ST3GAL3: variants seen among roughly 807,000 people sequenced by gnomAD.
ST3GAL3 encodes ST3 beta-galactoside alpha-2,3-sialyltransferase 3, also known as CMP-N-acetylneuraminate-beta-1,4-galactoside alpha-2,3-sialyltransferase.
In ST3GAL3, 21 loss-of-function variants were observed where a neutral mutation model predicts 50.1. That is an observed-to-expected ratio of 0.42 (90% CI 0.30 to 0.60). The LOEUF is 0.60. Among genes scored for constraint, ST3GAL3 ranks in the 20% least tolerant of loss-of-function variants. The pLI is 0.19. For missense variants in ST3GAL3, 353 were observed against 489.4 expected (o/e 0.72, Z 2.63); for synonymous variants, 183 against 190.0 (o/e 0.96, Z 0.30).
At chr1:43,850,206 C>A (rs1478116708) in intron 5 of ST3GAL3, 2 of 289,516 alleles carry the variant, frequency 6.9e-6, no homozygotes, top group African/African-American at 2.2e-5. Context: ...TCAGTGGGTC[C>A]CTTGTGGGGC....
At chr1:43,849,441 G>C (rs2040950) in intron 5 of ST3GAL3, among the ~76,000 whole-genome samples, 85,149 of 152,068 alleles carry the variant, frequency 0.56, 27,764 homozygotes, top group Non-Finnish European at 0.74. Context: ...AAATTAGTTT[G>C]AGTTCAAATA....
At chr1:43,708,640 T>A (rs1662833003) in intron 1 of ST3GAL3, among the ~76,000 whole-genome samples, 1 of 152,222 alleles carries the variant, frequency 6.6e-6, no homozygotes, top group African/African-American at 2.4e-5. Flanking sequence ...GGCACAGAAA[T>A]TTATAGCCAA....
chr1:43,848,792 T>G (rs1574187157), intron 5 of ST3GAL3, among the ~76,000 whole-genome samples: 2 of 152,356 alleles, frequency 1.3e-5, no homozygotes, highest in Non-Finnish European at 2.9e-5. Flanking sequence ...GGATGCTATA[T>G]TATTTGTCCC....
At chr1:43,778,328 T>C (rs1192654437) in intron 2 of ST3GAL3, among the ~76,000 whole-genome samples, 1 of 152,160 alleles carries the variant, frequency 6.6e-6, no homozygotes, top group Non-Finnish European at 1.5e-5. Context: ...GCTTAATACC[T>C]AGGTGATGGG....
At chr1:43,719,490 C>T (rs959985991) in intron 1 of ST3GAL3, among the ~76,000 whole-genome samples, 11 of 151,932 alleles carry the variant, frequency 7.2e-5, no homozygotes, top group Non-Finnish European at 1.5e-4. Flanking sequence ...GTTGAAACCT[C>T]GTCTCTGCTA....
chr1:43,712,655 G>A (rs972666221), intron 1 of ST3GAL3, among the ~76,000 whole-genome samples: 1 of 152,004 alleles, frequency 6.6e-6, no homozygotes, highest in African/African-American at 2.4e-5. Flanking sequence ...GGGAATATGA[G>A]TACTGGTTTT....
intron 2 of ST3GAL3, among the ~76,000 whole-genome samples, chr1:43,767,339 GTC>G (rs973896114): frequency 6.6e-6 from 1 of 152,144 alleles, no homozygotes; most frequent in Non-Finnish European, 1.5e-5. Flanking sequence ...GGCATATAGA[GTC>G]TCTGGGGGAT....
At chr1:43,906,289 T>C (rs1245159821) in intron 9 of ST3GAL3, among the ~76,000 whole-genome samples, 47 of 85,098 alleles carry the variant, frequency 5.5e-4, no homozygotes, top group Non-Finnish European at 5.6e-4. Flanking sequence ...TCCTGCCACT[T>C]TTCCTCCCCC....
intron 11 of ST3GAL3, among the ~76,000 whole-genome samples, chr1:43,923,561 C>A (rs779273135): frequency 6.6e-6 from 1 of 152,182 alleles, no homozygotes; most frequent in Admixed American, 6.5e-5. Context: ...GGTTCATAGA[C>A]AGCTGTCTTC....
chr1:43,856,544 G>T (rs1460182509), intron 5 of ST3GAL3, among the ~76,000 whole-genome samples: 2 of 152,152 alleles, frequency 1.3e-5, no homozygotes, highest in African/African-American at 4.8e-5. Flanking sequence ...AAATCCTTGG[G>T]TACAGACCTT....
At chr1:43,917,391 A>C (rs1440426018) in intron 9 of ST3GAL3, among the ~76,000 whole-genome samples, 1 of 133,058 alleles carries the variant, frequency 7.5e-6, no homozygotes, top group Non-Finnish European at 1.5e-5. Flanking sequence ...ACTATTTGTG[A>C]CAAAATTTTT....
chr1:43,731,889 G>A (rs1020557473), intron 1 of ST3GAL3, among the ~76,000 whole-genome samples: 3 of 151,582 alleles, frequency 2.0e-5, no homozygotes, highest in African/African-American at 7.3e-5. Context: ...TGTTGCCCAG[G>A]TTGGTTTAGA....
intron 1 of ST3GAL3, among the ~76,000 whole-genome samples, chr1:43,730,521 AAGTTTC>A (rs1675158724): frequency 7.2e-6 from 1 of 138,708 alleles, no homozygotes; most frequent in Non-Finnish European, 1.6e-5. Flanking sequence ...TTAGAAATAC[AAGTTTC>A]TGATTTCTTT....
Position 43,920,908 on chromosome 1 carries a change from C to G in ST3GAL3, c.1018C>G (p.Arg340Gly). Residue 340 changes from arginine (R) to glycine (G), a missense_variant, in exon 11 of 12, where the codon CGC becomes GGC. By Grantham distance (125) the Arg-to-Gly change is moderately radical. Transcript: ENST00000347631. Reference sequence around the variant, plus strand: ...ACCCCTGCACTACTATGAGACCGTTCGCATGGCAGCCATCAAAGAGGTTCG... The same window carrying G: ...ACCCCTGCACTACTATGAGACCGTTGGCATGGCAGCCATCAAAGAGGTTCG... ...NAPLHYYETV[R>G]MAAIKESWTH... 6.2e-7 allele frequency: 1 copy of G among 1,613,440 alleles called. No individual in the cohort carries two copies. Among genetic ancestry groups the G allele is most frequent in the Non-Finnish European group, 8.5e-7 (1 of 1,179,730 alleles).
At position 43,899,367 on chromosome 1, in the gene ST3GAL3, G is replaced by T. The variant is rs933761243; in HGVS notation, c.557+104G>T. 1.2e-5 allele frequency: 20 copies of T among 1,601,846 alleles called. No homozygotes were observed. Among genetic ancestry groups the T allele is most frequent in the Middle Eastern group, 1.6e-4 (1 of 6,078 alleles). On this transcript the variant is annotated intron_variant, in intron 8 of 11. Transcript: ENST00000347631. The surrounding 1 kb of genome is among the most constrained non-coding windows in gnomAD (Gnocchi z 5.4). ...CTGGCTAGTTGGGCTGGAGGTCAAC[G>T]GAAGCCTCAAGAACTCTGGGTTGGA...
intron 11 of ST3GAL3, among the ~76,000 whole-genome samples, chr1:43,926,800 T>C (rs777791570): frequency 6.6e-6 from 1 of 151,986 alleles, no homozygotes; most frequent in Non-Finnish European, 1.5e-5. Flanking sequence ...GAGGTGGCAT[T>C]GCCGGATCCA....
intron 5 of ST3GAL3, among the ~76,000 whole-genome samples, chr1:43,865,443 T>C (rs190883661): frequency 8.2e-4 from 125 of 152,294 alleles, no homozygotes; most frequent in African/African-American, 2.9e-3. Flanking sequence ...ACTTCTCAAC[T>C]TGAAACCTGT....
At chr1:43,729,550 G>A (rs1433499443) in intron 1 of ST3GAL3, among the ~76,000 whole-genome samples, 2 of 152,014 alleles carry the variant, frequency 1.3e-5, no homozygotes, top group African/African-American at 4.8e-5. Context: ...CAAATCACCT[G>A]TTGCCACAAC....
rs568309818 is a variant in ST3GAL3 at position 43,867,823 on chromosome 1, G to A, written c.303-26560G>A. Among the ~76,000 whole-genome samples, 17 of 152,254 alleles carry A rather than the reference G, an allele frequency of 1.1e-4. No homozygotes were observed. In the East Asian group the frequency reaches 3.3e-3, roughly 29 times the overall value. ...TTTTTAAGGAAGAAGAAAACAGAAT[G>A]ACCTAACTCTGAGGAATACCAATAT... is the stretch of plus-strand genomic sequence containing the variant. On this transcript the variant is annotated intron_variant, in intron 5 of 11. Transcript: ENST00000347631.
Sources: gnomAD v4.1 joint callset for allele counts (sites outside exome capture counted in the v4.1 genomes callset) on GRCh38, gnomAD v4.1.1 for gene constraint, Gnocchi (gnomAD v3.1) non-coding constraint, MANE v1.5 for transcripts, NCBI Gene and HGNC (gene_info 2026-07-23, HGNC 2026-07-21) for gene names.